Variants in EXOC5 observed in about 807,000 individuals in gnomAD.
EXOC5 encodes SEC10-like 1.
A neutral mutation model predicts 90.8 loss-of-function variants in EXOC5; 17 were observed. That is an observed-to-expected ratio of 0.19 (90% CI 0.13 to 0.28). The LOEUF is 0.28. Ranked by LOEUF, EXOC5 falls within the 10% of genes least tolerant of loss-of-function variation. The pLI, the probability that EXOC5 is intolerant of heterozygous loss-of-function variation, is 1.00. For synonymous variants in EXOC5, 260 were observed against 270.0 expected, an observed-to-expected ratio of 0.96 and a Z score of 0.36; for missense variants, 569 against 830.6, an observed-to-expected ratio of 0.69 and a Z score of 3.87.
At position 57,237,486 on chromosome 14, in the gene EXOC5, T is replaced by C. The variant is rs1437954399; in HGVS notation, c.531-120A>G. ...GATACGAGAACCATCTGTACTATCTTTGCAACTTTTCTGTAAATCCAAAAC... is the reference window on the plus strand; with the variant it reads ...GATACGAGAACCATCTGTACTATCTCTGCAACTTTTCTGTAAATCCAAAAC... On this transcript the variant is annotated intron_variant, in intron 5 of 17. Coordinates refer to ENST00000621441, the MANE Select transcript of EXOC5 (RefSeq NM_006544.4). The C allele has an allele frequency of 8.5e-6, 5 of 586,766 alleles. No homozygotes were observed. The Admixed American group carries it at 1.1e-4, about 13-fold the overall frequency. The allele number at this position is 586,766 out of a possible 1,614,324, so 36.3% of individuals were successfully genotyped here.
At position 57,209,954 on chromosome 14, in the gene EXOC5, T is replaced by G. The variant is rs746138773; in HGVS notation, c.1721A>C (p.Asn574Thr). Residue 574 changes from asparagine (N) to threonine (T), a missense_variant and splice_region_variant, in exon 16 of 18, where the codon AAT (asparagine) becomes ACT (threonine). Transcript: ENST00000621441. ...DENNVLIQYT[N>T]ACVKVCAYVR... ...AACAAACTGAATGATTTTACTCACA[T>G]TAGTATATTGAATCAAAACATTGTT... 4 of 1,444,186 alleles carry G rather than the reference T, an allele frequency of 2.8e-6. No individual in the cohort carries two copies. Among genetic ancestry groups the G allele is most frequent in the African/African-American group, 2.8e-5 (2 of 72,016 alleles). The allele number at this position is 1,444,186 out of a possible 1,614,324, so 89.5% of individuals were successfully genotyped here. A position where few individuals can be genotyped will look rare whatever the true frequency, so the allele number is the denominator to read the frequency against.
At chr14:57,232,195 C>G (rs538772122) in intron 10 of EXOC5, 1 of 154,106 alleles carries the variant, frequency 6.5e-6, no homozygotes, top group Non-Finnish European at 1.4e-5. Context: ...TTTGGAAAAA[C>G]CTTCTCCCAA....
intron 15 of EXOC5, 144 bp downstream of exon 15, chr14:57,217,838 G>T (rs1041872619): frequency 1.6e-6 from 1 of 624,466 alleles, no homozygotes; most frequent in African/African-American, 1.9e-5. Context: ...TAAGGATGAA[G>T]GCAATATGTA....
chr14:57,262,745 G>GTGTGTATATATATACGTATATATATATA (rs146684239), intron 1 of EXOC5, among the ~76,000 whole-genome samples: 9 of 147,036 alleles, frequency 6.1e-5, no homozygotes, highest in African/African-American at 2.3e-4. Context: ...ATATATGTGT[G>GTGTGTATATATATACGTATATATATATA]TGTGTATATA....
chr14:57,214,982 C>A (rs571001437), intron 15 of EXOC5, among the ~76,000 whole-genome samples: 541 of 152,214 alleles, frequency 3.6e-3, no homozygotes, highest in South Asian at 7.9e-3. Context: ...GTAAGCCCAG[C>A]ACTTTTGGAG....
intron 15 of EXOC5, among the ~76,000 whole-genome samples, chr14:57,215,604 G>C (rs1056645084): frequency 1.3e-5 from 2 of 151,640 alleles, no homozygotes; most frequent in African/African-American, 4.8e-5. Flanking sequence ...AAACGCTTCT[G>C]GTAAAATTCA....
chr14:57,213,338 C>A (rs10133566), intron 15 of EXOC5, among the ~76,000 whole-genome samples: 3 of 151,808 alleles, frequency 2.0e-5, no homozygotes, highest in East Asian at 1.9e-4. Context: ...ACTATGATTG[C>A]GCCACTGCAC....
chr14:57,217,711 A>T (rs971225678), intron 15 of EXOC5, among the ~76,000 whole-genome samples: 1 of 152,152 alleles, frequency 6.6e-6, no homozygotes, highest in Non-Finnish European at 1.5e-5. Flanking sequence ...AAAACGTCAC[A>T]TATTTCTCAC....
rs929476964 is a variant in EXOC5, at chr14:57,246,746, C to A, written c.235G>T (p.Ala79Ser). 6.2e-7 allele frequency: 1 copy of A among 1,611,142 alleles called. No individual in the cohort carries two copies. Among genetic ancestry groups the A allele is most frequent in the Non-Finnish European group, 8.5e-7 (1 of 1,179,470 alleles). Residue 79 changes from alanine to serine, a missense_variant, in exon 3 of 18, where the codon GCC becomes TCC. Ala to Ser is a moderately conservative substitution (Grantham distance 99, BLOSUM62 1). Coordinates refer to ENST00000621441, the MANE Select transcript of EXOC5 (RefSeq NM_006544.4). ...QQCQKEAKEF[A>S]KKVQELQKSN... The stretch of plus-strand genomic sequence containing the variant: ...TTCTGCAGCTCTTGTACCTTCTTGG[C>A]AAATTCCTTGGCTTCTTTCTGACAT...
At chr14:57,245,285 G>A (rs1884001585) in intron 3 of EXOC5, among the ~76,000 whole-genome samples, 1 of 152,052 alleles carries the variant, frequency 6.6e-6, no homozygotes, top group Admixed American at 6.6e-5. Context: ...ACCTTAAACT[G>A]AGGTGGGGAA....
rs1594638228 is a variant in EXOC5 at position 57,201,192 on chromosome 14, C to G, written c.*7417G>C. ...CTAAAAGGTGGAGGAATGGCTGATT[C>G]CAGAGCTGGGGCAAGGCAAGTACAA... On this transcript the variant is annotated 3_prime_UTR_variant, in exon 18 of 18. Transcript: ENST00000621441. The G allele has an allele frequency of 6.6e-6, 1 of 151,902 alleles. No homozygotes were observed. The highest frequency in any genetic ancestry group is 1.9e-4 in the East Asian group (1 of 5,168). 9.4% of individuals were successfully genotyped at this position (151,902 alleles called of 1,614,324 possible).
intron 1 of EXOC5, among the ~76,000 whole-genome samples, chr14:57,267,997 C>T (rs570159027): frequency 4.6e-5 from 7 of 151,680 alleles, no homozygotes; most frequent in Non-Finnish European, 1.0e-4. Flanking sequence ...ATAAAGTGTT[C>T]ACTTGAATTT....
intron 12 of EXOC5, among the ~76,000 whole-genome samples, chr14:57,224,180 G>A (rs938246877): frequency 1.3e-5 from 2 of 152,050 alleles, no homozygotes; most frequent in Non-Finnish European, 2.9e-5. Flanking sequence ...GGTTTGGGGT[G>A]AGGGGTGGGG....
At chr14:57,235,938 C>A in intron 6 of EXOC5, 118 bp from the exon 7 acceptor site, 1 of 625,876 alleles carries the variant, frequency 1.6e-6, no homozygotes, top group South Asian at 2.0e-5. Context: ...GAAGGAATTA[C>A]AAAAACAAAT....
chr14:57,231,825 C>T, intron 10 of EXOC5, 110 bp from the exon 11 acceptor site: 1 of 692,266 alleles, frequency 1.4e-6, no homozygotes, highest in Admixed American at 2.9e-5. Flanking sequence ...TGTTAAGCCA[C>T]CATTTCTTAA....
chr14:57,204,004 T>C lies in EXOC5; in HGVS notation c.*4605A>G, dbSNP rs987776068. ...ATGACTTTCCTCTGAGGTTGACTGC[T>C]ATGTGAAGTATGATGTGATATATTC... On this transcript the variant is annotated 3_prime_UTR_variant, in exon 18 of 18. Transcript: ENST00000621441. 2 of 152,590 alleles carry C rather than the reference T, an allele frequency of 1.3e-5. No homozygotes were observed. The highest frequency in any genetic ancestry group is 2.9e-5 in the Non-Finnish European group (2 of 68,014). The allele number at this position is 152,590 out of a possible 1,614,324, so 9.5% of individuals were successfully genotyped here.
intron 13 of EXOC5, among the ~76,000 whole-genome samples, chr14:57,220,968 A>C (rs751041159): frequency 2.6e-5 from 4 of 152,176 alleles, no homozygotes; most frequent in Non-Finnish European, 5.9e-5. Context: ...GGCATTTAAT[A>C]AGCATGTGTT....
In EXOC5 at chr14:57,248,799, T is replaced by C. The variant is rs1884102267; in HGVS notation, c.28-1087A>G. On this transcript the variant is annotated intron_variant, in intron 1 of 17. Coordinates refer to ENST00000621441, the MANE Select transcript of EXOC5 (RefSeq NM_006544.4). ...AGTGCTGACATGTTTGAGAATTAAGTCCCAAGGATGAATTAATATCCTTCA... is the reference window on the plus strand; with the variant it reads ...AGTGCTGACATGTTTGAGAATTAAGCCCCAAGGATGAATTAATATCCTTCA... Among the ~76,000 whole-genome samples the C allele has an allele frequency of 2.6e-5, 4 of 152,024 alleles. No homozygotes were observed. In the South Asian group the frequency reaches 8.3e-4, roughly 31 times the overall value.
At chr14:57,235,675 C>T (rs769400105) in intron 7 of EXOC5, 36 bp downstream of exon 7, 63 of 1,072,972 alleles carry the variant, frequency 5.9e-5, no homozygotes, top group South Asian at 1.1e-4. Context: ...TTTCCATAGC[C>T]TTGAACACTA....
Sources: gnomAD v4.1 joint callset for allele counts (sites outside exome capture counted in the v4.1 genomes callset) on GRCh38, gnomAD v4.1.1 for gene constraint, MANE v1.5 for transcripts, NCBI Gene and HGNC (gene_info 2026-07-23, HGNC 2026-07-21) for gene names.